ELAC2: variants seen among roughly 807,000 people sequenced by gnomAD.
ELAC2 encodes zinc phosphodiesterase ELAC protein 2.
In ELAC2, 92 loss-of-function variants were observed where a neutral mutation model predicts 105.2. The ratio of observed to expected loss-of-function variants is 0.87; its 90% CI spans 0.74 to 1.04. The LOEUF (loss-of-function observed/expected upper bound fraction) is 1.04, where lower values mean the gene tolerates loss of function less well. ELAC2 is among the 50% of genes least tolerant of loss of function. The pLI is 0.00. For missense variants in ELAC2, 1,099 were observed against 1,071.7 expected (o/e 1.03, Z -0.36); for synonymous variants, 468 against 409.1 (o/e 1.14, Z -1.74).
Position 12,996,680 on chromosome 17 carries a change from T to C in ELAC2, c.1526A>G (p.Asp509Gly), listed in dbSNP as rs1209707487. The C allele has an allele frequency of 6.2e-7, 1 of 1,613,426 alleles. No homozygotes were observed. The highest frequency in any genetic ancestry group is 8.5e-7 in the Non-Finnish European group (1 of 1,179,838). ...ACCACAGTCCAGTAGCAGAGACGTG[T>C]CGGGGCTGCAGAAGAGAAGAGGAAG... ...VSATLVNISPDTSLLLDCGEG... is the reference protein window; with the variant it reads ...VSATLVNISPGTSLLLDCGEG... The change falls in exon 17 of 24, where the codon GAC becomes GGC. Residue 509 changes from aspartate to glycine, a missense_variant. Transcript: ENST00000338034.
rs1474079267 is a variant in ELAC2, at chr17:12,992,575, C to G, written c.*243G>C. 2 of 566,230 alleles carry G rather than the reference C, an allele frequency of 3.5e-6. No homozygotes were observed. Among genetic ancestry groups the G allele is most frequent in the East Asian group, 5.8e-5 (2 of 34,280 alleles). The allele number at this position is 566,230 out of a possible 1,614,324, so 35.1% of individuals were successfully genotyped here. On this transcript the variant is annotated 3_prime_UTR_variant, in exon 24 of 24. Transcript: ENST00000338034. ...AAACTGCCTTGAAATGAAATTAGTT[C>G]ATCTGCTTGCTTCCGTGTGGCAGCC...
At chr17:13,016,380 C>T (rs2041721828) in intron 3 of ELAC2, among the ~76,000 whole-genome samples, 1 of 152,170 alleles carries the variant, frequency 6.6e-6, no homozygotes, top group African/African-American at 2.4e-5. Flanking sequence ...GTCCCCGCAA[C>T]GCAAGAAACT....
chr17:13,011,734 G>T lies in ELAC2; in HGVS notation c.608C>A (p.Pro203His). ...KHQPWQSPER[P>H]LSRLSPERSS... The stretch of plus-strand genomic sequence containing the variant: ...TCGCTCTGGACTGAGCCTGCTGAGA[G>T]GCCTTTCTGGACTCTGCCATGGTTG... Residue 203 changes from proline (P) to histidine (H), a missense_variant, in exon 7 of 24, where the codon CCT becomes CAT. Physicochemically the swap from Pro to His is moderately conservative, Grantham distance 77. Coordinates refer to ENST00000338034, the MANE Select transcript of ELAC2 (RefSeq NM_018127.7). 5.6e-6 allele frequency: 9 copies of T among 1,614,144 alleles called. No individual in the cohort carries two copies. The highest frequency in any genetic ancestry group is 7.6e-6 in the Non-Finnish European group (9 of 1,180,034).
intron 22 of ELAC2, 109 bp downstream of exon 22, chr17:12,994,316 T>C (rs964452238): frequency 1.5e-5 from 19 of 1,272,612 alleles, no homozygotes; most frequent in East Asian, 2.3e-5. Context: ...TAGCCCTTGA[T>C]AGGAAGCAGG....
chr17:12,992,723 G>T lies in ELAC2; in HGVS notation c.*95C>A. The T allele has an allele frequency of 2.0e-6, 3 of 1,465,726 alleles. No homozygotes were observed. Among genetic ancestry groups the T allele is most frequent in the South Asian group, 1.2e-5 (1 of 85,998 alleles). 90.8% of individuals were successfully genotyped at this position (1,465,726 alleles called of 1,614,324 possible). ...ATCCTGAGCTGCCTCCTGGGGGACC[G>T]TGCTCTTCAGCTTCTACCAGCAAGG... On this transcript the variant is annotated 3_prime_UTR_variant, in exon 24 of 24. Transcript: ENST00000338034.
At position 13,010,612 on chromosome 17, in the gene ELAC2, C is replaced by G. The variant is rs530086231; in HGVS notation, c.738+1G>C. The G allele has an allele frequency of 6.2e-7, 1 of 1,614,024 alleles. No individual in the cohort carries two copies. Among genetic ancestry groups the G allele is most frequent in the Admixed American group, 1.7e-5 (1 of 60,016 alleles). On this transcript the variant is annotated splice_donor_variant, in intron 8 of 23. Coordinates refer to ENST00000338034, the MANE Select transcript of ELAC2 (RefSeq NM_018127.7). LOFTEE classifies it high-confidence loss of function. ...ACAGCCCTCCGGAAAGTCTTCCTTA[C>G]CTTACAGATGAAAGCTACGACCAGG...
intron 10 of ELAC2, 82 bp downstream of exon 10, chr17:13,005,671 G>GT: frequency 7.0e-7 from 1 of 1,437,406 alleles, no homozygotes; most frequent in Non-Finnish European, 9.8e-7. Context: ...AGTGGTGTCT[G>GT]TAGGGCCTGA....
chr17:13,011,378 C>T (rs139621673), intron 7 of ELAC2, among the ~76,000 whole-genome samples: 17 of 152,198 alleles, frequency 1.1e-4, no homozygotes, highest in East Asian at 1.9e-4. Context: ...AAAATGAATC[C>T]GTTTGTCAGG....
chr17:13,011,824 T>C (rs747942317), intron 6 of ELAC2, 42 bp from the exon 7 acceptor site: 28 of 1,613,840 alleles, frequency 1.7e-5, no homozygotes, highest in Non-Finnish European at 2.2e-5. Flanking sequence ...CTGCACAAGG[T>C]GAGCTGACAG....
chr17:13,013,172 A>G, intron 6 of ELAC2, 35 bp downstream of exon 6: 1 of 1,608,358 alleles, frequency 6.2e-7, no homozygotes, highest in Non-Finnish European at 8.5e-7. Context: ...CAGGACGTAC[A>G]CCCTCCTCCT....
chr17:13,001,492 CA>C (rs1176473959), intron 14 of ELAC2, among the ~76,000 whole-genome samples: 28 of 151,110 alleles, frequency 1.9e-4, no homozygotes, highest in Non-Finnish European at 2.1e-4. Flanking sequence ...AACTCCGTCT[CA>C]AAAAAATAAA....
rs755662266 is a variant in ELAC2, at chr17:12,992,769, C to T, written c.*49G>A. ...CAAGGAGGGCAGATACGGGTGCGTG[C>T]GTGGGGCAGAAGACACACAGCCTTC... On this transcript the variant is annotated 3_prime_UTR_variant, in exon 24 of 24. Transcript: ENST00000338034. The T allele has an allele frequency of 1.2e-5, 20 of 1,605,820 alleles. No individual in the cohort carries two copies. Among genetic ancestry groups the T allele is most frequent in the Admixed American group, 3.3e-5 (2 of 59,976 alleles).
intron 12 of ELAC2, among the ~76,000 whole-genome samples, chr17:13,002,941 C>T (rs1315580560): frequency 3.0e-4 from 45 of 152,086 alleles, no homozygotes; most frequent in Non-Finnish European, 5.9e-5. Flanking sequence ...CGGGCAGGGG[C>T]CAAAAAGCAG....
rs375139709 is a variant in ELAC2 at position 12,991,765 on chromosome 17, G to C, written c.*1053C>G. 4.7e-4 allele frequency: 100 copies of C among 212,666 alleles called. No individual in the cohort carries two copies. Among genetic ancestry groups the C allele is most frequent in the African/African-American group, 2.0e-3 (90 of 44,072 alleles). The allele number at this position is 212,666 out of a possible 1,614,324, so 13.2% of individuals were successfully genotyped here. ...AAGCCAGGTCCCTGGCTGATCTCTC[G>C]CTTGCTTGTCTTTTGAGTTTTTAAA... On this transcript the variant is annotated 3_prime_UTR_variant, in exon 24 of 24. Coordinates refer to ENST00000338034, the MANE Select transcript of ELAC2 (RefSeq NM_018127.7).
intron 8 of ELAC2, among the ~76,000 whole-genome samples, chr17:13,008,010 G>A (rs1018481390): frequency 1.1e-4 from 16 of 152,256 alleles, no homozygotes; most frequent in African/African-American, 3.6e-4. Context: ...AGACTAGCCT[G>A]GCCAACATGG....
intron 5 of ELAC2, 87 bp from the exon 6 acceptor site, chr17:13,013,362 C>G: frequency 1.5e-6 from 2 of 1,375,096 alleles, no homozygotes; most frequent in Non-Finnish European, 2.0e-6. Flanking sequence ...CCACGAGCAA[C>G]TGAATTGCCT....
At position 13,017,073 on chromosome 17, in the gene ELAC2, G is replaced by A. The variant is rs769819646; in HGVS notation, c.294C>T (p.His98=). The A allele has an allele frequency of 3.1e-6, 5 of 1,613,962 alleles. No individual in the cohort carries two copies. Among genetic ancestry groups the A allele is most frequent in the Non-Finnish European group, 4.2e-6 (5 of 1,179,984 alleles). Residue 98 remains histidine (H), a splice_region_variant and synonymous_variant, in exon 2 of 24, where the codon CAC becomes CAT. Transcript: ENST00000338034. ...CCGAAAGCAAGAGACTGACTCACTT[G>A]TGCTCCTGCATGAGTCTCTGAACGC... ...GEGVQRLMQE[H]KLKVARLDNI...
chr17:13,005,019 T>C lies in ELAC2; in HGVS notation c.953A>G (p.Gln318Arg). ...AAAGGTGGCATTCTCACAGATGGGTTGAATGAAGCTTTCATCTGGACATTC... is the reference window on the plus strand; with the variant it reads ...AAAGGTGGCATTCTCACAGATGGGTCGAATGAAGCTTTCATCTGGACATTC... Reference protein sequence around the residue: ...VVECPDESFIQPICENATFQR... With the variant: ...VVECPDESFIRPICENATFQR... The change falls in exon 11 of 24, where the codon CAA (glutamine) becomes CGA (arginine). Residue 318 changes from glutamine (Q) to arginine (R), a missense_variant. Coordinates refer to ENST00000338034, the MANE Select transcript of ELAC2 (RefSeq NM_018127.7). The C allele has an allele frequency of 3.7e-6, 6 of 1,614,114 alleles. No homozygotes were observed. The highest frequency in any genetic ancestry group is 5.1e-6 in the Non-Finnish European group (6 of 1,179,984).
In ELAC2 at chr17:13,017,799, C is replaced by CCCGACA; in HGVS notation, c.148_149insTGTCGG (p.Ser49_Gly50insValSer). The CCCGACA allele has an allele frequency of 6.2e-7, 1 of 1,606,024 alleles. No individual in the cohort carries two copies. The highest frequency in any genetic ancestry group is 1.1e-5 in the South Asian group (1 of 90,138). ...CACGGTGTTTGGGCCGCCGGAGCAC[C>CCCGACA]CCGACGGTCCGCGCTTCTCTCGCGT... On this transcript the variant is annotated inframe_insertion, in exon 1 of 24. Transcript: ENST00000338034.
Sources: allele counts gnomAD v4.1 joint callset (sites outside exome capture counted in the v4.1 genomes callset), GRCh38; gene constraint gnomAD v4.1.1; transcripts MANE v1.5; gene names NCBI Gene and HGNC (gene_info 2026-07-23, HGNC 2026-07-21).